AFG2A: variants seen among roughly 807,000 people sequenced by gnomAD.
AFG2A encodes the protein AAA ATPase AFG2A, also known as ATPase family gene 2 protein homolog A.
At chr4:123,177,506 G>T in the AFG2A span, among the ~76,000 whole-genome samples, 1 of 151,992 alleles carries the variant, frequency 6.6e-6, no homozygotes, top group African/African-American at 2.4e-5. Context: ...CCACCGTGCT[G>T]GCCAGACCTT....
chr4:123,195,688 G>T, the AFG2A span, among the ~76,000 whole-genome samples: 3 of 152,230 alleles, frequency 2.0e-5, no homozygotes, highest in East Asian at 5.8e-4. Flanking sequence ...GATCTACAAG[G>T]TATTAGGGAT....
chr4:122,988,836 T>A, the AFG2A span, among the ~76,000 whole-genome samples: 1 of 152,222 alleles, frequency 6.6e-6, no homozygotes, highest in African/African-American at 2.4e-5. Flanking sequence ...TTTTTGTTTT[T>A]GTGACAAGAT....
At chr4:123,255,385 C>T in the AFG2A span, among the ~76,000 whole-genome samples, 13 of 151,800 alleles carry the variant, frequency 8.6e-5, no homozygotes, top group Admixed American at 4.6e-4. Flanking sequence ...GGTGTGGTGG[C>T]ATGTGCCTGT....
chr4:123,301,120 GA>G, the AFG2A span, among the ~76,000 whole-genome samples: 19 of 152,110 alleles, frequency 1.2e-4, no homozygotes, highest in African/African-American at 4.3e-4. Flanking sequence ...AGACTATAAT[GA>G]AAGTTTTGAA....
the AFG2A span, among the ~76,000 whole-genome samples, chr4:122,938,805 C>T: frequency 2.0e-4 from 31 of 151,890 alleles, no homozygotes; most frequent in Non-Finnish European, 2.5e-4. Context: ...CCATGTTGGC[C>T]AGGCTGGTCT....
chr4:123,021,424 G>A, the AFG2A span, among the ~76,000 whole-genome samples: 2 of 152,030 alleles, frequency 1.3e-5, no homozygotes, highest in South Asian at 2.1e-4. Flanking sequence ...TAGAACTTCA[G>A]TTACTGTGTG....
the AFG2A span, among the ~76,000 whole-genome samples, chr4:123,312,004 CTT>C: frequency 2.0e-5 from 3 of 152,284 alleles, no homozygotes; most frequent in South Asian, 2.1e-4. Flanking sequence ...TTGGTTACCT[CTT>C]TTTTTCTCAA....
At chr4:123,088,289 G>A in the AFG2A span, among the ~76,000 whole-genome samples, 1 of 152,018 alleles carries the variant, frequency 6.6e-6, no homozygotes, top group Non-Finnish European at 1.5e-5. Context: ...AGCCCACCTT[G>A]ACTCTCCTGA....
At chr4:123,202,541 C>T in the AFG2A span, among the ~76,000 whole-genome samples, 7,994 of 152,020 alleles carry the variant, frequency 0.053, 703 homozygotes, top group African/African-American at 0.18. Context: ...AGCCCAGCAC[C>T]CCCAATGGTG....
At chr4:123,004,531 TATTA>T in the AFG2A span, among the ~76,000 whole-genome samples, 1 of 152,240 alleles carries the variant, frequency 6.6e-6, no homozygotes, top group East Asian at 1.9e-4. Flanking sequence ...ATATGAATTA[TATTA>T]ATTGATTTTC....
the AFG2A span, among the ~76,000 whole-genome samples, chr4:123,310,516 C>T: frequency 3.8e-3 from 579 of 152,250 alleles, 1 homozygote; most frequent in Non-Finnish European, 6.6e-3. Context: ...GTAACTTATT[C>T]CTTCTCTCCA....
chr4:123,082,533 T>TC, the AFG2A span, among the ~76,000 whole-genome samples: 1 of 141,776 alleles, frequency 7.1e-6, no homozygotes, highest in African/African-American at 2.5e-5. Flanking sequence ...CTTTTTTTTT[T>TC]TTTTTGGTCA....
At chr4:122,942,287 A>T in the AFG2A span, among the ~76,000 whole-genome samples, 9 of 148,030 alleles carry the variant, frequency 6.1e-5, no homozygotes, top group African/African-American at 2.3e-4. Context: ...TTGGTAAGCT[A>T]TTGATTATTG....
chr4:123,064,458 ATAT>A, the AFG2A span, among the ~76,000 whole-genome samples: 1 of 152,240 alleles, frequency 6.6e-6, no homozygotes, highest in Non-Finnish European at 1.5e-5. Context: ...GCAAAGTAGG[ATAT>A]TATACAATTG....
chr4:123,074,095 A>ATT, the AFG2A span, among the ~76,000 whole-genome samples: 385 of 102,048 alleles, frequency 3.8e-3, 15 homozygotes, highest in African/African-American at 0.012. Context: ...CTCAGATAGT[A>ATT]TTTTTTTTTT....
At chr4:123,090,747 G>A in the AFG2A span, 84 of 1,580,860 alleles carry the variant, frequency 5.3e-5, no homozygotes, top group Middle Eastern at 3.4e-4. Context: ...ATCAAGAACT[G>A]GCTTGTTTGA....
chr4:122,925,452 A>G, the AFG2A span, among the ~76,000 whole-genome samples: 64 of 152,156 alleles, frequency 4.2e-4, no homozygotes, highest in Non-Finnish European at 7.6e-4. Flanking sequence ...AGCCTATTGC[A>G]CTATTGTCCT....
the AFG2A span, among the ~76,000 whole-genome samples, chr4:123,104,479 A>G: frequency 4.6e-5 from 7 of 152,192 alleles, no homozygotes; most frequent in African/African-American, 1.7e-4. Context: ...GATTAAAGGT[A>G]GAGTCTCACA....
At chr4:123,043,180 C>T in the AFG2A span, among the ~76,000 whole-genome samples, 1 of 152,110 alleles carries the variant, frequency 6.6e-6, no homozygotes, top group Non-Finnish European at 1.5e-5. Flanking sequence ...CAGCACTTGT[C>T]CTCCATTGTC....
Sources: gnomAD v4.1 joint callset for allele counts (sites outside exome capture counted in the v4.1 genomes callset) on GRCh38, gnomAD v4.1.1 for gene constraint, MANE v1.5 for transcripts, NCBI Gene and HGNC (gene_info 2026-07-23, HGNC 2026-07-21) for gene names.